The following LTK variants were observed in gnomAD, a reference collection of about 807,000 sequenced individuals.
LTK encodes the protein leukocyte receptor tyrosine kinase, also known as leukocyte tyrosine kinase receptor.
A neutral mutation model predicts 101.5 loss-of-function variants in LTK; 117 were observed. That is an observed-to-expected ratio of 1.15 (90% CI 0.99 to 1.34). The LOEUF (loss-of-function observed/expected upper bound fraction) is 1.34. Ranked by LOEUF, LTK falls within the 40% of genes most tolerant of loss-of-function variation. The probability of loss-of-function intolerance (pLI) is 0.00; values close to 1 mark genes in which losing one functional copy is unlikely to be tolerated. For missense variants in LTK, 1,252 were observed against 1,164.7 expected (o/e 1.07, Z -1.09); for synonymous variants, 563 against 494.2 (o/e 1.14, Z -1.85).
rs751398438 is a variant in LTK at position 41,513,729 on chromosome 15, C to T, written c.-20G>A. On this transcript the variant is annotated 5_prime_UTR_variant, in exon 1 of 20. Coordinates refer to ENST00000263800, the MANE Select transcript of LTK (RefSeq NM_002344.6). ...GCCCATCCCTGTTGGGTCCACCCGG[C>T]AACAAAAGCCCTTGCGGTCGCGGCC... is the stretch of plus-strand genomic sequence containing the variant. The T allele has an allele frequency of 4.3e-6, 7 of 1,612,326 alleles. No homozygotes were observed. Among genetic ancestry groups the T allele is most frequent in the Middle Eastern group, 1.6e-4 (1 of 6,082 alleles).
chr15:41,508,908 A>G, intron 8 of LTK, 123 bp downstream of exon 8: 1 of 648,646 alleles, frequency 1.5e-6, no homozygotes, highest in Non-Finnish European at 2.7e-6. Context: ...TATGCTATGC[A>G]AGAATCCTGT....
In LTK at chr15:41,505,238, T is replaced by C; in HGVS notation, c.1895A>G (p.His632Arg). ...GATGAAGTGATTTTCCTCCAGGTAG[T>C]GGCAGCCCTGGGCTATGTCCTGGGC... ...QLAQDIAQGC[H>R]YLEENHFIHR... The change falls in exon 15 of 20, where the codon CAC (histidine) becomes CGC (arginine). Residue 632 changes from histidine to arginine, a missense_variant. Physicochemically the swap from His to Arg is conservative, Grantham distance 29. Coordinates refer to ENST00000263800, the MANE Select transcript of LTK (RefSeq NM_002344.6). 10 of 1,614,040 alleles carry C rather than the reference T, an allele frequency of 6.2e-6. No individual in the cohort carries two copies. The highest frequency in any genetic ancestry group is 8.5e-6 in the Non-Finnish European group (10 of 1,179,998).
At chr15:41,505,632 AC>A in intron 13 of LTK, 80 bp downstream of exon 13, 1 of 1,603,096 alleles carries the variant, frequency 6.2e-7, no homozygotes, top group Non-Finnish European at 8.5e-7. Flanking sequence ...CTGACTTGCT[AC>A]CTCAGCCTCA....
intron 12 of LTK, 53 bp from the exon 13 acceptor site, chr15:41,505,830 G>A (rs1222116989): frequency 6.2e-7 from 1 of 1,605,212 alleles, no homozygotes; most frequent in Non-Finnish European, 8.5e-7. Context: ...TTCAGGAGAG[G>A]GGGTTAACCC....
Position 41,509,017 on chromosome 15 carries a change from G to T in LTK, c.1096+14C>A, listed in dbSNP as rs749316646. 2.5e-6 allele frequency: 4 copies of T among 1,584,168 alleles called. No homozygotes were observed. In the South Asian group the frequency reaches 4.6e-5, roughly 18 times the overall value. On this transcript the variant is annotated intron_variant, in intron 8 of 19. Coordinates refer to ENST00000263800, the MANE Select transcript of LTK (RefSeq NM_002344.6). ...AGTCCAGGCCAGGCTCAGAGGTGGG[G>T]TTGGGGCCAATACCTGCCAGAGGCT...
At position 41,504,790 on chromosome 15, in the gene LTK, T is replaced by A; in HGVS notation, c.2103A>T (p.Thr701=). 15 of 1,612,806 alleles carry A rather than the reference T, an allele frequency of 9.3e-6. No individual in the cohort carries two copies. Among genetic ancestry groups the A allele is most frequent in the Non-Finnish European group, 1.3e-5 (15 of 1,179,686 alleles). ...GTTATCACCAGGAATCTGTCTTGGA[T>A]GTGAAGATGCCCTCCAGGAAGGCCT... ...PPEAFLEGIF[T]SKTDSWSFGV... Residue 701 remains threonine (T), a synonymous_variant, in exon 17 of 20, where the codon ACA becomes ACT. Coordinates refer to ENST00000263800, the MANE Select transcript of LTK (RefSeq NM_002344.6).
rs1158245435 is a variant in LTK, at chr15:41,511,770, G to C, written c.657+47C>G. The C allele has an allele frequency of 5.4e-6, 8 of 1,473,542 alleles. No homozygotes were observed. Among genetic ancestry groups the C allele is most frequent in the Non-Finnish European group, 7.1e-6 (8 of 1,124,374 alleles). The allele number at this position is 1,473,542 out of a possible 1,614,324, so 91.3% of individuals were successfully genotyped here. On this transcript the variant is annotated intron_variant, in intron 5 of 19. Coordinates refer to ENST00000263800, the MANE Select transcript of LTK (RefSeq NM_002344.6). This position sits in a 1 kb window ranked among gnomAD's most constrained non-coding sequence, Gnocchi z 5.9. ...GAGAGCCGGTGCGTGAGCGCCCCTGGGGAGAGGATTGGGACCCCAACGCTG... is the reference window on the plus strand; with the variant it reads ...GAGAGCCGGTGCGTGAGCGCCCCTGCGGAGAGGATTGGGACCCCAACGCTG...
Position 41,511,883 on chromosome 15 carries a change from C to A in LTK, c.591G>T (p.Gly197=). 1 of 1,474,122 alleles carries A rather than the reference C, an allele frequency of 6.8e-7. No homozygotes were observed. Among genetic ancestry groups the A allele is most frequent in the Non-Finnish European group, 8.9e-7 (1 of 1,125,770 alleles). 91.3% of individuals were successfully genotyped at this position (1,474,122 alleles called of 1,614,324 possible). A position where few individuals can be genotyped will look rare whatever the true frequency, so the allele number is the denominator to read the frequency against. ...CCGCCCAGCGCCGCGACCCCGGGAC[C>A]CCTTCGCTCCCATCCATCGCCGCGT... ...EEHAAMDGSE[G]VPGSRRWAGG... The change falls in exon 5 of 20, where the codon GGG becomes GGT. Residue 197 remains glycine, a synonymous_variant. Coordinates refer to ENST00000263800, the MANE Select transcript of LTK (RefSeq NM_002344.6). This position sits in a 1 kb window ranked among gnomAD's most constrained non-coding sequence, Gnocchi z 5.9.
Position 41,503,676 on chromosome 15 carries a change from G to A in LTK, c.*320C>T. The stretch of plus-strand genomic sequence containing the variant: ...AGCTTTTTATTAGAAGCATCTGCAG[G>A]GTGGGGGGTCTGCCCAGATGAAGGA... On this transcript the variant is annotated 3_prime_UTR_variant, in exon 20 of 20. Transcript: ENST00000263800. 1.6e-6 allele frequency: 1 copy of A among 622,354 alleles called. No individual in the cohort carries two copies. Among genetic ancestry groups the A allele is most frequent in the East Asian group, 3.7e-5 (1 of 27,374 alleles). 38.6% of individuals were successfully genotyped at this position (622,354 alleles called of 1,614,324 possible). A position where few individuals can be genotyped will look rare whatever the true frequency, so the allele number is the denominator to read the frequency against.
At chr15:41,512,659 C>A in intron 3 of LTK, 48 bp downstream of exon 3, 1 of 1,490,570 alleles carries the variant, frequency 6.7e-7, no homozygotes, top group Non-Finnish European at 8.9e-7. Flanking sequence ...GAGGGTGAAA[C>A]CTCCAACTAG....
intron 1 of LTK, 91 bp downstream of exon 1, chr15:41,513,576 A>C (rs2051564565): frequency 8.3e-7 from 1 of 1,205,428 alleles, no homozygotes; most frequent in African/African-American, 1.5e-5. Context: ...CTCTGGAGGA[A>C]CCACTGACAC....
In LTK at chr15:41,505,176, T is replaced by TG. The variant is rs533560672; in HGVS notation, c.1925+31dup. ...CTGTTCCTTGGGGAGGGAGTTGGGA[T>TG]GGGGGTCCCCTGAGCCAGGACTGCT... On this transcript the variant is annotated intron_variant, in intron 15 of 19. Transcript: ENST00000263800. The TG allele has an allele frequency of 8.8e-5, 142 of 1,604,696 alleles. No homozygotes were observed. In the African/African-American group the frequency reaches 1.8e-3, roughly 21 times the overall value.
Position 41,505,519 on chromosome 15 carries a change from T to G in LTK, c.1709A>C (p.His570Pro), listed in dbSNP as rs564175604. 46 of 1,613,918 alleles carry G rather than the reference T, an allele frequency of 2.9e-5. No individual in the cohort carries two copies. The highest frequency in any genetic ancestry group is 3.6e-5 in the Non-Finnish European group (42 of 1,179,968). ...MEALIISKFR[H>P]QNIVRCVGLS... Reference sequence around the variant, plus strand: ...CCCCACACACCGCACAATGTTCTGATGGCGAAACTTGCTGAGTGGGGTGGG... The same window carrying G: ...CCCCACACACCGCACAATGTTCTGAGGGCGAAACTTGCTGAGTGGGGTGGG... The change falls in exon 14 of 20, where the codon CAT becomes CCT. Residue 570 changes from histidine to proline, a missense_variant. Transcript: ENST00000263800.
At chr15:41,509,770 A>G (rs1236860345) in intron 7 of LTK, among the ~76,000 whole-genome samples, 1 of 151,800 alleles carries the variant, frequency 6.6e-6, no homozygotes, top group Non-Finnish European at 1.5e-5. Context: ...GAGGCAGGAG[A>G]ATTGCTTGAA....
rs755143998 is a variant in LTK, at chr15:41,511,246, C to T, written c.915G>A (p.Ala305=). The change falls in exon 7 of 20, where the codon GCG becomes GCA. Residue 305 remains alanine, a synonymous_variant. Coordinates refer to ENST00000263800, the MANE Select transcript of LTK (RefSeq NM_002344.6). This position sits in a 1 kb window ranked among gnomAD's most constrained non-coding sequence, Gnocchi z 5.9. The stretch of plus-strand genomic sequence containing the variant: ...CGCCGGCCGCGGCCCAGCCAAGGGT[C>T]GCCCAAGCCTCGGAGCAGCCCTGGC... ...EGGQGCSEAW[A]TLGWAAAGGF... is the part of the protein sequence containing the mutation. The T allele has an allele frequency of 7.7e-6, 11 of 1,423,538 alleles. No individual in the cohort carries two copies. The highest frequency in any genetic ancestry group is 2.5e-4 in the Middle Eastern group (1 of 4,014). 88.2% of individuals were successfully genotyped at this position (1,423,538 alleles called of 1,614,324 possible). A position where few individuals can be genotyped will look rare whatever the true frequency, so the allele number is the denominator to read the frequency against.
At chr15:41,505,156 C>G (rs1315472460) in intron 15 of LTK, 52 bp downstream of exon 15, 3 of 1,591,570 alleles carry the variant, frequency 1.9e-6, no homozygotes, top group South Asian at 1.1e-5. Flanking sequence ...AAGGGCTGTT[C>G]CTTGGGGAGG....
chr15:41,505,581 T>C, intron 13 of LTK, 51 bp from the exon 14 acceptor site: 3 of 1,611,334 alleles, frequency 1.9e-6, no homozygotes, highest in Non-Finnish European at 1.7e-6. Context: ...ACGGAAACCA[T>C]GTTTTAGGCT....
rs950720602 is a variant in LTK at position 41,513,133 on chromosome 15, G to C, written c.44-13C>G. On this transcript the variant is annotated splice_polypyrimidine_tract_variant and intron_variant, in intron 1 of 19. Transcript: ENST00000263800. ...CAGAGAATGGCGCCTGAAAGGTGTTGGGAGAAGGCGCAGGACGTTAAGGCG... is the reference window on the plus strand; with the variant it reads ...CAGAGAATGGCGCCTGAAAGGTGTTCGGAGAAGGCGCAGGACGTTAAGGCG... The C allele has an allele frequency of 1.3e-6, 2 of 1,584,468 alleles. No individual in the cohort carries two copies. Among genetic ancestry groups the C allele is most frequent in the African/African-American group, 2.7e-5 (2 of 73,840 alleles).
chr15:41,512,402 G>T, intron 3 of LTK, 137 bp from the exon 4 acceptor site: 1 of 976,842 alleles, frequency 1.0e-6, no homozygotes. Context: ...CTGACGGGAT[G>T]GGAAGGGTAG....
Sources: allele counts gnomAD v4.1 joint callset (sites outside exome capture counted in the v4.1 genomes callset), GRCh38; gene constraint gnomAD v4.1.1; non-coding constraint Gnocchi (gnomAD v3.1); transcripts MANE v1.5; gene names NCBI Gene and HGNC (gene_info 2026-07-23, HGNC 2026-07-21).